Variants in DAB1 observed in about 807,000 individuals in gnomAD.
DAB1 encodes the protein disabled homolog 1.
Under a neutral mutation model 64.6 loss-of-function variants are expected in DAB1, and 15 were observed. The observed-to-expected ratio is 0.23, with a 90% CI of 0.16 to 0.36. The LOEUF is 0.36. Ranked by LOEUF, DAB1 falls within the 10% of genes least tolerant of loss-of-function variation. The pLI, the probability that DAB1 is intolerant of heterozygous loss-of-function variation, is 1.00. For synonymous variants in DAB1, 235 were observed against 251.9 expected (o/e 0.93, Z 0.64); for missense variants, 596 against 706.7 (o/e 0.84, Z 1.78).
chr1:57,496,526 C>A (rs146556693), intron 7 of DAB1, among the ~76,000 whole-genome samples: 1 of 152,140 alleles, frequency 6.6e-6, no homozygotes, highest in African/African-American at 2.4e-5. Flanking sequence ...TCACAGCCCA[C>A]GTCTTCTGAT....
chr1:57,786,693 C>T (rs899213170), intron 6 of DAB1, among the ~76,000 whole-genome samples: 1 of 151,948 alleles, frequency 6.6e-6, no homozygotes, highest in Non-Finnish European at 1.5e-5. Context: ...TTTAAAAGCC[C>T]GTCAGTGGTA....
rs990499399 is a variant in DAB1, at chr1:57,525,867, A to G, written n.625+123725T>C. 3.3e-5 allele frequency among the ~76,000 whole-genome samples: 5 copies of G among 152,290 alleles called. 1 individual carries two copies. The South Asian group carries it at 6.2e-4, about 19-fold the overall frequency. ...AGAAGGGACTACTATATTTCATTAA[A>G]AGCTATTTTATATAGTTGATTGTTT... On this transcript the variant is annotated intron_variant and non_coding_transcript_variant, in intron 7 of 20. Transcript: ENST00000485760.
At chr1:57,744,982 T>A (rs1648196154) in intron 6 of DAB1, among the ~76,000 whole-genome samples, 1 of 152,210 alleles carries the variant, frequency 6.6e-6, no homozygotes, top group Non-Finnish European at 1.5e-5. Flanking sequence ...TAGTCTCACA[T>A]TTCTTAAATG....
chr1:57,780,741 CTTTCTTTTT>C (rs1650027386), intron 6 of DAB1, among the ~76,000 whole-genome samples: 2 of 149,474 alleles, frequency 1.3e-5, no homozygotes, highest in Admixed American at 6.7e-5. Flanking sequence ...CTATTCTTTT[CTTTCTTTTT>C]TTTCTTTTTT....
At chr1:58,404,589 C>T (rs946017559) in intron 3 of DAB1, among the ~76,000 whole-genome samples, 3 of 152,112 alleles carry the variant, frequency 2.0e-5, no homozygotes, top group East Asian at 3.9e-4. Flanking sequence ...TGGCCCAGAG[C>T]GGACTGTTAG....
chr1:57,680,636 C>A (rs1646625353), intron 6 of DAB1, among the ~76,000 whole-genome samples: 2 of 152,182 alleles, frequency 1.3e-5, no homozygotes, highest in Non-Finnish European at 2.9e-5. Flanking sequence ...TCCCCTCTTC[C>A]ACTTTTAAGG....
chr1:57,621,625 G>A (rs971651148), intron 7 of DAB1, among the ~76,000 whole-genome samples: 2 of 152,026 alleles, frequency 1.3e-5, no homozygotes, highest in East Asian at 1.9e-4. Context: ...TCACACCTGC[G>A]CCTCTGGATC....
chr1:58,261,557 C>A (rs78268947), intron 4 of DAB1, among the ~76,000 whole-genome samples: 18,736 of 151,958 alleles, frequency 0.12, 1,432 homozygotes, highest in Admixed American at 0.19. Context: ...ATTCACCAAC[C>A]AGAAAAAGTA....
chr1:57,638,473 C>T (rs1162193848), intron 7 of DAB1, among the ~76,000 whole-genome samples: 1 of 152,152 alleles, frequency 6.6e-6, no homozygotes. Flanking sequence ...CAGATCCTAC[C>T]ATGCAAACCA....
At chr1:57,478,644 G>C (rs952019696) in intron 7 of DAB1, among the ~76,000 whole-genome samples, 6 of 143,058 alleles carry the variant, frequency 4.2e-5, no homozygotes, top group Non-Finnish European at 1.5e-5. Context: ...CCAGGCTGAG[G>C]TGCAATGGCA....
chr1:57,483,471 A>G (rs556997771), intron 7 of DAB1, among the ~76,000 whole-genome samples: 1 of 152,252 alleles, frequency 6.6e-6, no homozygotes, highest in Admixed American at 6.5e-5. Context: ...CATGATTGTG[A>G]GGCCTCCCCA....
intron 2 of DAB1, among the ~76,000 whole-genome samples, chr1:57,268,928 A>G (rs903185426): frequency 1.3e-5 from 2 of 152,096 alleles, no homozygotes; most frequent in African/African-American, 2.4e-5. Flanking sequence ...GATTAGCAAG[A>G]GCAGGAAGGT....
intron 2 of DAB1, among the ~76,000 whole-genome samples, chr1:57,280,291 G>A (rs902219563): frequency 6.6e-6 from 1 of 152,134 alleles, no homozygotes; most frequent in Non-Finnish European, 1.5e-5. Context: ...TTTGATCTAT[G>A]TGTGTTCTTT....
At chr1:57,565,088 T>C (rs1645101542) in intron 7 of DAB1, among the ~76,000 whole-genome samples, 1 of 152,208 alleles carries the variant, frequency 6.6e-6, no homozygotes, top group Non-Finnish European at 1.5e-5. Context: ...GCAGAAACTC[T>C]ACAAGCCAGA....
At chr1:58,004,096 A>T (rs1448421902) in intron 5 of DAB1, among the ~76,000 whole-genome samples, 1 of 152,222 alleles carries the variant, frequency 6.6e-6, no homozygotes, top group Admixed American at 6.5e-5. Context: ...CAAGGAGCTC[A>T]GAGAAATAGG....
At chr1:57,792,342 A>T (rs1251973953) in intron 6 of DAB1, among the ~76,000 whole-genome samples, 1 of 152,132 alleles carries the variant, frequency 6.6e-6, no homozygotes, top group Admixed American at 6.5e-5. Flanking sequence ...CACCATATTT[A>T]TTGCCAGACA....
At chr1:58,244,204 T>C (rs1660429529) in intron 4 of DAB1, among the ~76,000 whole-genome samples, 1 of 152,078 alleles carries the variant, frequency 6.6e-6, no homozygotes, top group Non-Finnish European at 1.5e-5. Flanking sequence ...AAAGTGCCCA[T>C]AAGTATAAGG....
intron 2 of DAB1, among the ~76,000 whole-genome samples, chr1:57,253,341 G>A (rs917286770): frequency 2.6e-5 from 4 of 152,158 alleles, no homozygotes; most frequent in Non-Finnish European, 4.4e-5. Flanking sequence ...TCTAAGTCAC[G>A]TGCTCCAGCC....
At position 57,895,434 on chromosome 1, in the gene DAB1, TTG is replaced by T. The variant is rs1216246220; in HGVS notation, n.388-11274_388-11273del. Among the ~76,000 whole-genome samples the T allele has an allele frequency of 2.8e-4, 42 of 152,162 alleles. 1 individual carries two copies. The highest frequency in any genetic ancestry group is 3.7e-4 in the Non-Finnish European group (25 of 68,032). On this transcript the variant is annotated intron_variant and non_coding_transcript_variant, in intron 5 of 20. Transcript: ENST00000485760. ...GGTTGTGGCCTTAACCATCACATTA[TTG>T]CCTCTAGATATTCCAGAAACAACTA...
Sources: allele counts gnomAD v4.1 joint callset (sites outside exome capture counted in the v4.1 genomes callset), GRCh38; gene constraint gnomAD v4.1.1; transcripts MANE v1.5; gene names NCBI Gene and HGNC (gene_info 2026-07-23, HGNC 2026-07-21).